The following MAML3 variants were observed in gnomAD, a reference collection of about 807,000 sequenced individuals.
MAML3 encodes the protein mastermind-like protein 3.
In MAML3, 27 loss-of-function variants were observed where a neutral mutation model predicts 101.9. That is an observed-to-expected ratio of 0.27 (90% CI 0.20 to 0.37). The LOEUF is 0.37. Ranked by LOEUF, MAML3 falls within the 10% of genes least tolerant of loss-of-function variation. MAML3 has a pLI of 1.00. For missense variants in MAML3, 1,316 were observed against 1,444.9 expected (o/e 0.91, Z 1.45); for synonymous variants, 501 against 555.9 (o/e 0.90, Z 1.39).
chr4:140,037,423 T>A (rs1024897851), intron 1 of MAML3, among the ~76,000 whole-genome samples: 1 of 152,110 alleles, frequency 6.6e-6, no homozygotes, highest in Admixed American at 6.5e-5. Flanking sequence ...TACAAAGAAA[T>A]GGACTCAATT....
chr4:140,051,466 A>C (rs1470551067), intron 1 of MAML3, among the ~76,000 whole-genome samples: 1 of 151,990 alleles, frequency 6.6e-6, no homozygotes, highest in African/African-American at 2.4e-5. Context: ...CTGAGACAGG[A>C]GAATCGCTTG....
In MAML3 at chr4:139,890,703, T is replaced by C; in HGVS notation, c.733A>G (p.Lys245Glu). ...TTAATCTCAGGGAGCCTACCATTCT[T>C]ACTTAGATCTTCTAGAAGCCCAGGA... ...HTPGLLEDLS[K>E]NGRLPEIKLP... The change falls in exon 2 of 5, where the codon AAG becomes GAG. Residue 245 changes from lysine (K) to glutamate (E), a missense_variant. Lys to Glu is a moderately conservative substitution (Grantham distance 56). Coordinates refer to ENST00000509479, the MANE Select transcript of MAML3 (RefSeq NM_018717.5). The surrounding 1 kb of genome is among the most constrained non-coding windows in gnomAD (Gnocchi z 4.1). The C allele has an allele frequency of 1.2e-6, 2 of 1,614,050 alleles. No homozygotes were observed. The highest frequency in any genetic ancestry group is 2.7e-5 in the African/African-American group (2 of 75,056).
chr4:139,952,079 C>T (rs575796559), intron 1 of MAML3, among the ~76,000 whole-genome samples: 4 of 152,152 alleles, frequency 2.6e-5, no homozygotes, highest in African/African-American at 7.2e-5. Context: ...GCAGGAGAAT[C>T]GCTTGAACCC....
intron 1 of MAML3, among the ~76,000 whole-genome samples, chr4:140,126,766 G>A (rs560389285): frequency 9.2e-5 from 14 of 152,132 alleles, no homozygotes; most frequent in South Asian, 6.2e-4. Context: ...ATTAAACGTC[G>A]CATGTCCAAA....
At chr4:140,144,222 G>A (rs1040835097) in intron 1 of MAML3, among the ~76,000 whole-genome samples, 1 of 152,142 alleles carries the variant, frequency 6.6e-6, no homozygotes, top group African/African-American at 2.4e-5. Flanking sequence ...AAATGTTCCT[G>A]GGGTATGGCC....
intron 1 of MAML3, among the ~76,000 whole-genome samples, chr4:139,943,078 G>A (rs1479471065): frequency 6.6e-6 from 1 of 152,134 alleles, no homozygotes; most frequent in Non-Finnish European, 1.5e-5. Flanking sequence ...TGGGGGTGCT[G>A]ACAAAAATTT....
chr4:139,796,546 ATGGGTG>A (rs1730512967), intron 2 of MAML3, among the ~76,000 whole-genome samples: 1 of 152,188 alleles, frequency 6.6e-6, no homozygotes, highest in Non-Finnish European at 1.5e-5. Context: ...AGAGATTTCC[ATGGGTG>A]TGAACCTTGT....
At chr4:139,823,916 G>A (rs1731017352) in intron 2 of MAML3, among the ~76,000 whole-genome samples, 1 of 151,352 alleles carries the variant, frequency 6.6e-6, no homozygotes. Context: ...TAGGTCTGCA[G>A]GCCAAGACCT....
chr4:139,787,260 G>A (rs1399436411), intron 2 of MAML3, among the ~76,000 whole-genome samples: 1 of 150,746 alleles, frequency 6.6e-6, no homozygotes, highest in African/African-American at 2.5e-5. Context: ...ATCAAATACA[G>A]GTCCCCTCCT....
At chr4:139,896,652 G>GTGGT (rs1470959984) in intron 1 of MAML3, among the ~76,000 whole-genome samples, 4 of 146,170 alleles carry the variant, frequency 2.7e-5, no homozygotes, top group African/African-American at 7.7e-5. Context: ...GTGTGTGTGT[G>GTGGT]AGAGAGAGAG....
chr4:139,863,945 C>T (rs1425337770), intron 2 of MAML3, among the ~76,000 whole-genome samples: 1 of 148,886 alleles, frequency 6.7e-6, no homozygotes, highest in East Asian at 2.0e-4. Flanking sequence ...AGACAAGTTT[C>T]CCCACAAAAC....
chr4:139,974,396 C>T (rs1055262126), intron 1 of MAML3, among the ~76,000 whole-genome samples: 7 of 152,094 alleles, frequency 4.6e-5, no homozygotes, highest in South Asian at 4.1e-4. Flanking sequence ...TAAGCCACCG[C>T]GCCCGGCCAT....
chr4:140,042,755 A>C (rs1727108658), intron 1 of MAML3, among the ~76,000 whole-genome samples: 1 of 152,290 alleles, frequency 6.6e-6, no homozygotes, highest in South Asian at 2.1e-4. Flanking sequence ...ATGAGATGAA[A>C]ATGCATAAGG....
intron 2 of MAML3, chr4:139,889,110 T>A (rs1260245574): frequency 2.7e-6 from 2 of 738,134 alleles, no homozygotes; most frequent in East Asian, 5.6e-5. Context: ...TTATCTGCAG[T>A]TGGGAATAAA....
At chr4:139,755,175 T>C (rs1244850625) in intron 2 of MAML3, among the ~76,000 whole-genome samples, 2 of 152,182 alleles carry the variant, frequency 1.3e-5, no homozygotes, top group Non-Finnish European at 2.9e-5. Flanking sequence ...CGGTTTGCTG[T>C]TCCATATTTC....
intron 1 of MAML3, among the ~76,000 whole-genome samples, chr4:139,897,817 C>T (rs1418300330): frequency 6.6e-6 from 1 of 152,192 alleles, no homozygotes; most frequent in Non-Finnish European, 1.5e-5. Flanking sequence ...GGATCCTCAT[C>T]CCAGCTAAAC....
At chr4:139,992,564 C>T (rs1432078919) in intron 1 of MAML3, among the ~76,000 whole-genome samples, 1 of 152,032 alleles carries the variant, frequency 6.6e-6, no homozygotes, top group Non-Finnish European at 1.5e-5. Flanking sequence ...TGGAGTCTCA[C>T]TCTGTTGCCG....
intron 1 of MAML3, among the ~76,000 whole-genome samples, chr4:140,064,168 G>A (rs191666668): frequency 3.8e-4 from 58 of 152,182 alleles, no homozygotes; most frequent in African/African-American, 1.2e-3. Flanking sequence ...TCACATAAAT[G>A]GGCCTCTGCT....
At chr4:139,997,654 C>G (rs1734843557) in intron 1 of MAML3, among the ~76,000 whole-genome samples, 1 of 152,004 alleles carries the variant, frequency 6.6e-6, no homozygotes. Context: ...CTATTTCTTC[C>G]TATGGATTCC....
Sources: gnomAD v4.1 joint callset for allele counts (sites outside exome capture counted in the v4.1 genomes callset) on GRCh38, gnomAD v4.1.1 for gene constraint, Gnocchi (gnomAD v3.1) non-coding constraint, MANE v1.5 for transcripts, NCBI Gene and HGNC (gene_info 2026-07-23, HGNC 2026-07-21) for gene names.